NRG3: variants seen among roughly 807,000 people sequenced by gnomAD.
The protein encoded by NRG3 is neuregulin 3.
A neutral mutation model predicts 66.9 loss-of-function variants in NRG3; 31 were observed. The observed-to-expected ratio is 0.46, with a 90% CI of 0.35 to 0.63. The LOEUF is 0.63. Among genes scored for constraint, NRG3 ranks in the 20% least tolerant of loss-of-function variants. The pLI, the probability that NRG3 is intolerant of heterozygous loss-of-function variation, is 0.00. For synonymous variants in NRG3, 393 were observed against 359.4 expected (o/e 1.09, Z -1.06); for missense variants, 910 against 878.9 (o/e 1.04, Z -0.45).
intron 2 of NRG3, among the ~76,000 whole-genome samples, chr10:82,485,508 G>A (rs1001525496): frequency 1.3e-5 from 2 of 149,018 alleles, no homozygotes; most frequent in Admixed American, 1.4e-4. Flanking sequence ...TTTTCGAAGG[G>A]TAATCTAATC....
In NRG3 at chr10:82,894,897, G is replaced by T. The variant is rs187564153; in HGVS notation, c.1054+29460G>T. ...TTGTGCTAATGCTCTCCCTCCCCTT[G>T]CCCCCACTGCCCGACAGGCCCTGGT... On this transcript the variant is annotated intron_variant, in intron 4 of 8. Coordinates refer to ENST00000372141, the MANE Select transcript of NRG3 (RefSeq NM_001010848.4). Among the ~76,000 whole-genome samples the T allele has an allele frequency of 5.9e-5, 9 of 152,080 alleles. No individual in the cohort carries two copies. The East Asian group carries it at 1.7e-3, about 29-fold the overall frequency.
chr10:82,480,854 A>G (rs1842212498), intron 2 of NRG3, among the ~76,000 whole-genome samples: 1 of 152,230 alleles, frequency 6.6e-6, no homozygotes, highest in African/African-American at 2.4e-5. Flanking sequence ...TTGCACTTCT[A>G]CCATGGAGTG....
At chr10:81,913,507 T>C (rs1845377406) in intron 1 of NRG3, among the ~76,000 whole-genome samples, 1 of 151,910 alleles carries the variant, frequency 6.6e-6, no homozygotes, top group African/African-American at 2.4e-5. Context: ...CACTGCAACC[T>C]CTGCCTCCCG....
chr10:82,793,270 C>T (rs1276518096), intron 3 of NRG3, among the ~76,000 whole-genome samples: 2 of 152,054 alleles, frequency 1.3e-5, no homozygotes, highest in African/African-American at 4.8e-5. Flanking sequence ...TGTTGTGTTT[C>T]ATTTTACTTT....
chr10:82,783,983 C>T (rs1466374043), intron 3 of NRG3, among the ~76,000 whole-genome samples: 1 of 151,904 alleles, frequency 6.6e-6, no homozygotes, highest in Non-Finnish European at 1.5e-5. Flanking sequence ...GTAACCAAAA[C>T]AGCATGGTAC....
At chr10:82,721,999 G>C (rs1211817391) in intron 2 of NRG3, among the ~76,000 whole-genome samples, 2 of 151,578 alleles carry the variant, frequency 1.3e-5, no homozygotes, top group African/African-American at 4.8e-5. Flanking sequence ...CTAGCCAGTT[G>C]AATTGTGCTG....
At chr10:82,182,982 C>G (rs748991015) in intron 1 of NRG3, among the ~76,000 whole-genome samples, 2 of 151,968 alleles carry the variant, frequency 1.3e-5, no homozygotes, top group Non-Finnish European at 2.9e-5. Context: ...GAGAAATCCA[C>G]TGATAGTGTT....
chr10:82,944,078 T>C (rs1848796754), intron 4 of NRG3, among the ~76,000 whole-genome samples: 1 of 152,214 alleles, frequency 6.6e-6, no homozygotes, highest in African/African-American at 2.4e-5. Context: ...TAATACCCTA[T>C]GAATCAAATG....
At chr10:82,933,031 G>A (rs1276233991) in intron 4 of NRG3, among the ~76,000 whole-genome samples, 1 of 151,750 alleles carries the variant, frequency 6.6e-6, no homozygotes, top group Non-Finnish European at 1.5e-5. Context: ...CTTTAAATGA[G>A]TCATGATTCA....
intron 1 of NRG3, among the ~76,000 whole-genome samples, chr10:82,305,089 G>A (rs1357420195): frequency 6.8e-6 from 1 of 147,508 alleles, no homozygotes; most frequent in Non-Finnish European, 1.5e-5. Flanking sequence ...CCGCCTCCTG[G>A]GTTCACGCCA....
At chr10:82,535,769 A>G (rs1847749916) in intron 2 of NRG3, among the ~76,000 whole-genome samples, 1 of 152,204 alleles carries the variant, frequency 6.6e-6, no homozygotes, top group South Asian at 2.1e-4. Flanking sequence ...TTATATTTCA[A>G]GATTAACATA....
chr10:82,621,284 T>C (rs1331759821), intron 2 of NRG3, among the ~76,000 whole-genome samples: 8 of 152,324 alleles, frequency 5.3e-5, no homozygotes, highest in Middle Eastern at 3.4e-3. Flanking sequence ...AGAAATTAAT[T>C]TGTGGGCCTG....
chr10:82,597,157 G>A (rs1264809275), intron 2 of NRG3, among the ~76,000 whole-genome samples: 4 of 152,278 alleles, frequency 2.6e-5, no homozygotes, highest in South Asian at 2.1e-4. Flanking sequence ...CAACCGTAAA[G>A]AACCAGCTGG....
intron 1 of NRG3, among the ~76,000 whole-genome samples, chr10:81,995,463 G>A (rs1312243934): frequency 6.6e-6 from 1 of 152,136 alleles, no homozygotes; most frequent in Non-Finnish European, 1.5e-5. Context: ...GTGTTTGGCA[G>A]CAACTCGAAA....
intron 2 of NRG3, among the ~76,000 whole-genome samples, chr10:82,623,582 C>G (rs2049192102): frequency 6.6e-6 from 1 of 152,274 alleles, no homozygotes; most frequent in Non-Finnish European, 1.5e-5. Flanking sequence ...TGGACCCAGT[C>G]TTCCTAGAGT....
intron 2 of NRG3, among the ~76,000 whole-genome samples, chr10:82,595,265 A>G (rs183888609): frequency 5.9e-4 from 90 of 152,338 alleles, no homozygotes; most frequent in African/African-American, 1.9e-3. Flanking sequence ...AGAGGGATTG[A>G]TGCTTTCAGA....
At chr10:82,607,345 A>C (rs1437884666) in intron 2 of NRG3, among the ~76,000 whole-genome samples, 2 of 128,524 alleles carry the variant, frequency 1.6e-5, no homozygotes, top group Non-Finnish European at 1.8e-5. Context: ...GCTCCTCTTT[A>C]TCACTGATAA....
chr10:82,354,465 G>A lies in NRG3; in HGVS notation c.824-4274G>A, dbSNP rs561164934. On this transcript the variant is annotated intron_variant, in intron 1 of 8. Transcript: ENST00000372141. Reference sequence around the variant, plus strand: ...GAGTGCAATGGCGCAATCTCAGCCCGCTGCAACCTCCACCTCATGGGTTCA... The same window carrying A: ...GAGTGCAATGGCGCAATCTCAGCCCACTGCAACCTCCACCTCATGGGTTCA... Among the ~76,000 whole-genome samples, 22 of 150,062 alleles carry A rather than the reference G, an allele frequency of 1.5e-4. No homozygotes were observed. The South Asian group carries it at 2.5e-3, about 17-fold the overall frequency.
chr10:82,524,911 A>AT (rs1846541621), intron 2 of NRG3, among the ~76,000 whole-genome samples: 1 of 151,652 alleles, frequency 6.6e-6, no homozygotes, highest in African/African-American at 2.4e-5. Context: ...TTTCGCTGTA[A>AT]TTTTATTTCT....
Sources: gnomAD v4.1 joint callset for allele counts (sites outside exome capture counted in the v4.1 genomes callset) on GRCh38, gnomAD v4.1.1 for gene constraint, MANE v1.5 for transcripts, NCBI Gene and HGNC (gene_info 2026-07-23, HGNC 2026-07-21) for gene names.